Variants in CEP128 observed in about 807,000 individuals in gnomAD.
CEP128 encodes centrosomal protein 128.
CEP128 carries 132 observed loss-of-function variants against 156.7 expected under a neutral mutation model. The ratio of observed to expected loss-of-function variants is 0.84; its 90% CI spans 0.73 to 0.97. The LOEUF is 0.97. Ranked by LOEUF, CEP128 falls within the 50% of genes least tolerant of loss-of-function variation. CEP128 has a pLI of 0.00. For synonymous variants in CEP128, 469 were observed against 448.9 expected, an observed-to-expected ratio of 1.04 and a Z score of -0.57; for missense variants, 1,252 against 1,281.9, an observed-to-expected ratio of 0.98 and a Z score of 0.36.
At chr14:80,608,150 C>T (rs959525677) in intron 19 of CEP128, among the ~76,000 whole-genome samples, 3 of 152,224 alleles carry the variant, frequency 2.0e-5, no homozygotes, top group Non-Finnish European at 4.4e-5. Flanking sequence ...AGCACCAGCA[C>T]CCACATGTGT....
intron 13 of CEP128, among the ~76,000 whole-genome samples, chr14:80,807,489 A>G (rs1329710110): frequency 6.6e-6 from 1 of 152,184 alleles, no homozygotes; most frequent in Non-Finnish European, 1.5e-5. Context: ...AAGTCTCAGG[A>G]AACACCAGGG....
intron 13 of CEP128, among the ~76,000 whole-genome samples, chr14:80,825,871 G>A (rs1158939901): frequency 6.6e-6 from 1 of 152,092 alleles, no homozygotes; most frequent in Non-Finnish European, 1.5e-5. Flanking sequence ...ACTTTGGAAG[G>A]CCAAGACGGG....
At chr14:80,885,993 C>G (rs1391754519) in intron 8 of CEP128, among the ~76,000 whole-genome samples, 1 of 151,842 alleles carries the variant, frequency 6.6e-6, no homozygotes, top group Non-Finnish European at 1.5e-5. Flanking sequence ...AGACAACTAT[C>G]AATAGCCAAA....
intron 20 of CEP128, among the ~76,000 whole-genome samples, chr14:80,568,437 G>A (rs550211674): frequency 1.3e-5 from 2 of 152,120 alleles, no homozygotes; most frequent in Non-Finnish European, 2.9e-5. Context: ...TAATTTACAT[G>A]CAGAGTCATT....
chr14:80,511,833 T>C (rs1337365681), intron 23 of CEP128, among the ~76,000 whole-genome samples: 2 of 152,096 alleles, frequency 1.3e-5, no homozygotes, highest in African/African-American at 4.8e-5. Flanking sequence ...TTTCTCTTAG[T>C]TTCTTTATTG....
chr14:80,483,681 A>G (rs1166156072), intron 14 of CEP128, among the ~76,000 whole-genome samples: 1 of 152,224 alleles, frequency 6.6e-6, no homozygotes, highest in Non-Finnish European at 1.5e-5. Flanking sequence ...CTCAGTTAGT[A>G]AATGTATTTT....
rs1566689644 is a variant in CEP128 at position 80,880,903 on chromosome 14, A to AT, written c.645+14814dup. ...AATAATAATAATAATAATAATAATA[A>AT]TAATAATTTCAGTAAAGGATACAAA... is the stretch of plus-strand genomic sequence containing the variant. On this transcript the variant is annotated intron_variant, in intron 8 of 24. Coordinates refer to ENST00000555265, the MANE Select transcript of CEP128 (RefSeq NM_152446.5). 3.4e-3 allele frequency among the ~76,000 whole-genome samples: 462 copies of AT among 137,242 alleles called. 8 individuals are homozygous for AT. The East Asian group carries it at 0.048, about 14-fold the overall frequency. The allele number at this position is 137,242 out of a possible 152,430, so 90.0% of individuals were successfully genotyped here.
intron 8 of CEP128, among the ~76,000 whole-genome samples, chr14:80,890,218 C>T (rs918359972): frequency 3.3e-5 from 5 of 152,296 alleles, no homozygotes; most frequent in Admixed American, 6.5e-5. Context: ...GACAGTGTGG[C>T]AATTCCTCAA....
At chr14:80,557,798 T>C (rs1364419971) in intron 21 of CEP128, among the ~76,000 whole-genome samples, 1 of 152,176 alleles carries the variant, frequency 6.6e-6, no homozygotes, top group Non-Finnish European at 1.5e-5. Flanking sequence ...TCATTTTTTA[T>C]TAACCTTATT....
chr14:80,834,205 T>G (rs1353850644), intron 12 of CEP128, among the ~76,000 whole-genome samples: 1 of 151,942 alleles, frequency 6.6e-6, no homozygotes, highest in Non-Finnish European at 1.5e-5. Context: ...AGACAAACTG[T>G]GAACACAGCA....
intron 19 of CEP128, among the ~76,000 whole-genome samples, chr14:80,739,233 A>G (rs1323280103): frequency 6.6e-6 from 1 of 152,158 alleles, no homozygotes; most frequent in Non-Finnish European, 1.5e-5. Context: ...CTTATATAAC[A>G]CAAAGATTAG....
At chr14:80,857,751 A>C (rs1887268102) in intron 9 of CEP128, among the ~76,000 whole-genome samples, 1 of 149,686 alleles carries the variant, frequency 6.7e-6, no homozygotes, top group East Asian at 1.9e-4. Flanking sequence ...AAACAACAAC[A>C]ACAACAACAA....
At chr14:80,632,441 G>A (rs1433041507) in intron 19 of CEP128, among the ~76,000 whole-genome samples, 1 of 148,216 alleles carries the variant, frequency 6.7e-6, no homozygotes, top group East Asian at 1.9e-4. Context: ...ATATATATCA[G>A]TATATTATTG....
At chr14:80,657,797 A>C (rs1445844116) in intron 19 of CEP128, among the ~76,000 whole-genome samples, 3 of 152,186 alleles carry the variant, frequency 2.0e-5, no homozygotes, top group South Asian at 4.1e-4. Context: ...AAAATTTTTG[A>C]AAGTTTTTAC....
At chr14:80,530,741 C>T (rs1307923155) in intron 22 of CEP128, 68 bp downstream of exon 22, 3 of 1,137,110 alleles carry the variant, frequency 2.6e-6, no homozygotes, top group Non-Finnish European at 3.8e-6. Flanking sequence ...TTTCTTTGCA[C>T]ATCAGGAAGA....
chr14:80,841,517 T>C (rs1471959559), intron 9 of CEP128, among the ~76,000 whole-genome samples: 1 of 152,112 alleles, frequency 6.6e-6, no homozygotes, highest in African/African-American at 2.4e-5. Flanking sequence ...GATTTGAGAA[T>C]AACAATATTA....
In CEP128 at chr14:80,656,294, TA is replaced by T. The variant is rs1566837849; in HGVS notation, c.2807-75872del. Among the ~76,000 whole-genome samples, 25 of 2,854 alleles carry T rather than the reference TA, an allele frequency of 8.8e-3. 1 individual carries two copies. The highest frequency in any genetic ancestry group is 0.014 in the African/African-American group (12 of 846). The allele number at this position is 2,854 out of a possible 152,430, so 1.9% of individuals were successfully genotyped here. On this transcript the variant is annotated intron_variant, in intron 19 of 24. Transcript: ENST00000555265. Reference sequence around the variant, plus strand: ...AAGTTTTTATTTATATATATATTTATATATATATATATATATATATATATAT... The same window carrying T: ...AAGTTTTTATTTATATATATATTTATTATATATATATATATATATATATAT...
chr14:80,835,320 A>C (rs1166316644), intron 12 of CEP128, among the ~76,000 whole-genome samples: 1 of 152,232 alleles, frequency 6.6e-6, no homozygotes, highest in Non-Finnish European at 1.5e-5. Flanking sequence ...AACACAAAAC[A>C]GACTAAGAAA....
chr14:80,892,243 A>G (rs1376064221), intron 8 of CEP128, among the ~76,000 whole-genome samples: 2 of 152,032 alleles, frequency 1.3e-5, no homozygotes, highest in African/African-American at 4.8e-5. Flanking sequence ...CAGAAAACCT[A>G]GAAACAAACC....
Sources: gnomAD v4.1 joint callset for allele counts (sites outside exome capture counted in the v4.1 genomes callset) on GRCh38, gnomAD v4.1.1 for gene constraint, MANE v1.5 for transcripts, NCBI Gene and HGNC (gene_info 2026-07-23, HGNC 2026-07-21) for gene names.